EGLN1: variants seen among roughly 807,000 people sequenced by gnomAD.
EGLN1 encodes the protein egl-9 family hypoxia inducible factor 1.
In EGLN1, 17 loss-of-function variants were observed where a neutral mutation model predicts 38.3. The observed-to-expected ratio is 0.44, with a 90% CI of 0.30 to 0.67. The LOEUF is 0.67. Among genes scored for constraint, EGLN1 ranks in the 30% least tolerant of loss-of-function variants. EGLN1 has a pLI of 0.08. For synonymous variants in EGLN1, 283 were observed against 257.5 expected (o/e 1.10, Z -0.95); for missense variants, 477 against 603.3 (o/e 0.79, Z 2.19).
intron 1 of EGLN1, among the ~76,000 whole-genome samples, chr1:231,413,810 T>C (rs1293198884): frequency 2.0e-5 from 3 of 149,794 alleles, no homozygotes; most frequent in Non-Finnish European, 2.9e-5. Context: ...AGAGTACACG[T>C]ATTTTGCTTT....
chr1:231,368,449 TTG>T (rs1687720736), intron 3 of EGLN1, among the ~76,000 whole-genome samples: 1 of 152,122 alleles, frequency 6.6e-6, no homozygotes, highest in Non-Finnish European at 1.5e-5. Context: ...ATACTGTGTT[TTG>T]TGTTTAAACT....
intron 1 of EGLN1, among the ~76,000 whole-genome samples, chr1:231,419,480 C>T (rs1049806782): frequency 9.9e-5 from 15 of 152,220 alleles, no homozygotes; most frequent in African/African-American, 3.4e-4. Context: ...TCAGTCTTCA[C>T]AGCCCTATTG....
chr1:231,415,253 T>A (rs2050794), intron 1 of EGLN1, among the ~76,000 whole-genome samples: 22,848 of 146,976 alleles, frequency 0.16, 2,132 homozygotes, highest in African/African-American at 0.26. Context: ...AGCCTGGGCA[T>A]GTTAGGCCCT....
Position 231,422,099 on chromosome 1 carries a change from C to T in EGLN1, c.-211G>A, listed in dbSNP as rs1439821975. Reference sequence around the variant, plus strand: ...GCTCCGGCGCAGCGCCGGCAGCCGCCTCAGCGCCTCATCGCCGCCGAGGGC... The same window carrying T: ...GCTCCGGCGCAGCGCCGGCAGCCGCTTCAGCGCCTCATCGCCGCCGAGGGC... On this transcript the variant is annotated 5_prime_UTR_variant, in exon 1 of 5. Transcript: ENST00000366641. The T allele has an allele frequency of 2.4e-6, 1 of 418,018 alleles. No homozygotes were observed. The highest frequency in any genetic ancestry group is 4.8e-5 in the Admixed American group (1 of 21,036). 25.9% of individuals were successfully genotyped at this position (418,018 alleles called of 1,614,324 possible). A position where few individuals can be genotyped will look rare whatever the true frequency, so the allele number is the denominator to read the frequency against.
intron 1 of EGLN1, among the ~76,000 whole-genome samples, chr1:231,374,983 T>C (rs1687921822): frequency 6.6e-6 from 1 of 152,080 alleles, no homozygotes; most frequent in African/African-American, 2.4e-5. Context: ...TAACTGAAAT[T>C]GGTAATGGTA....
intron 2 of EGLN1, among the ~76,000 whole-genome samples, chr1:231,372,305 GAAC>G (rs1378519200): frequency 1.3e-5 from 2 of 152,254 alleles, no homozygotes; most frequent in African/African-American, 4.8e-5. Context: ...CTAGCATCCA[GAAC>G]AACTGACACA....
intron 1 of EGLN1, among the ~76,000 whole-genome samples, chr1:231,406,573 C>A (rs1572045405): frequency 1.3e-5 from 2 of 152,164 alleles, no homozygotes; most frequent in Middle Eastern, 3.4e-3. Flanking sequence ...AAACTCAAAC[C>A]ATAGTTCTAA....
At position 231,421,146 on chromosome 1, in the gene EGLN1, G is replaced by A; in HGVS notation, c.743C>T (p.Ser248Phe). 6.2e-7 allele frequency: 1 copy of A among 1,614,176 alleles called. No individual in the cohort carries two copies. Among genetic ancestry groups the A allele is most frequent in the South Asian group, 1.1e-5 (1 of 91,086 alleles). Residue 248 changes from serine (S) to phenylalanine (F), a missense_variant, in exon 1 of 5, where the codon TCC becomes TTC. By Grantham distance (155) the Ser-to-Phe change is radical. Around this residue, in one of 4 missense-constraint regions of EGLN1, gnomAD observed 119 missense variants for 179.0 expected, o/e 0.66. Coordinates refer to ENST00000366641, the MANE Select transcript of EGLN1 (RefSeq NM_022051.3). This position sits in a 1 kb window ranked among gnomAD's most constrained non-coding sequence, Gnocchi z 5.5. ...GATCTTATCGCCTCGGATGTCCTTGGACGAGTCACTCTTCTGGCTGACCAG... is the reference window on the plus strand; with the variant it reads ...GATCTTATCGCCTCGGATGTCCTTGAACGAGTCACTCTTCTGGCTGACCAG... Reference protein sequence around the residue: ...GQLVSQKSDSSKDIRGDKITW... With the variant: ...GQLVSQKSDSFKDIRGDKITW...
At chr1:231,408,072 A>G (rs1048219441) in intron 1 of EGLN1, among the ~76,000 whole-genome samples, 1 of 152,184 alleles carries the variant, frequency 6.6e-6, no homozygotes, top group East Asian at 1.9e-4. Context: ...CGAAGACAGA[A>G]TAGTATAAAA....
chr1:231,391,419 G>A (rs1688384179), intron 1 of EGLN1, among the ~76,000 whole-genome samples: 1 of 151,968 alleles, frequency 6.6e-6, no homozygotes, highest in African/African-American at 2.4e-5. Context: ...TTTAGAGAGG[G>A]GAATCCCAAA....
chr1:231,399,327 T>C (rs752941278), intron 1 of EGLN1, among the ~76,000 whole-genome samples: 4 of 152,168 alleles, frequency 2.6e-5, no homozygotes, highest in Admixed American at 6.5e-5. Context: ...TTGGAAAGGA[T>C]TGAGGAAATT....
At chr1:231,386,834 T>C (rs373831898) in intron 1 of EGLN1, among the ~76,000 whole-genome samples, 1 of 152,216 alleles carries the variant, frequency 6.6e-6, no homozygotes, top group African/African-American at 2.4e-5. Context: ...TAAAGATTGA[T>C]AGAAGTACTG....
intron 1 of EGLN1, among the ~76,000 whole-genome samples, chr1:231,385,640 G>C (rs1688185819): frequency 6.6e-6 from 1 of 152,156 alleles, no homozygotes. Context: ...TGATGAACTT[G>C]GGTTTTAGTG....
chr1:231,407,623 T>G (rs1189981857), intron 1 of EGLN1, among the ~76,000 whole-genome samples: 3 of 152,090 alleles, frequency 2.0e-5, no homozygotes. Flanking sequence ...CACACACCAT[T>G]GGTAGGGGTG....
chr1:231,388,159 C>T (rs1688269041), intron 1 of EGLN1, among the ~76,000 whole-genome samples: 1 of 152,044 alleles, frequency 6.6e-6, no homozygotes, highest in African/African-American at 2.4e-5. Flanking sequence ...GGCCATAAAA[C>T]AAAAATTGAG....
intron 1 of EGLN1, among the ~76,000 whole-genome samples, chr1:231,379,681 A>G (rs1688034543): frequency 6.6e-6 from 1 of 152,186 alleles, no homozygotes. Context: ...GTCAGTCCAC[A>G]TCCCAAAGAT....
In EGLN1 at chr1:231,374,047, T is replaced by A; in HGVS notation, c.944A>T (p.Asp315Val). The A allele has an allele frequency of 6.2e-7, 1 of 1,613,734 alleles. No individual in the cohort carries two copies. Residue 315 changes from aspartate (D) to valine (V), a missense_variant, in exon 2 of 5, where the codon GAT (aspartate) becomes GTT (valine). Transcript: ENST00000366641. ...GNGTGYVRHV[D>V]NPNGDGRCVT... ...ACATCTTCCATCTCCATTTGGATTA[T>A]CAACATGACGTACATAACCCGTTCC...
chr1:231,375,583 T>A (rs928366585), intron 1 of EGLN1, among the ~76,000 whole-genome samples: 4 of 152,226 alleles, frequency 2.6e-5, no homozygotes, highest in African/African-American at 9.6e-5. Context: ...CTGCTCTTTA[T>A]AAGCAGCAGA....
chr1:231,401,655 G>C (rs918283610), intron 1 of EGLN1, among the ~76,000 whole-genome samples: 3 of 152,094 alleles, frequency 2.0e-5, no homozygotes, highest in African/African-American at 7.2e-5. Flanking sequence ...CTGCATAAAA[G>C]ACTAGTTCAC....
Sources: allele counts gnomAD v4.1 joint callset (sites outside exome capture counted in the v4.1 genomes callset), GRCh38; gene constraint gnomAD v4.1.1; regional missense constraint gnomAD v4.1.1; non-coding constraint Gnocchi (gnomAD v3.1); transcripts MANE v1.5; gene names NCBI Gene and HGNC (gene_info 2026-07-23, HGNC 2026-07-21).